The following TNKS variants were observed in gnomAD, a reference collection of about 807,000 sequenced individuals.
TNKS encodes the protein poly [ADP-ribose] polymerase tankyrase-1.
In TNKS, 72 loss-of-function variants were observed where a neutral mutation model predicts 135.8. The observed-to-expected ratio is 0.53, with a 90% CI of 0.44 to 0.64. The LOEUF is 0.64. TNKS is among the 30% of genes least tolerant of loss of function. The pLI is 0.00. For synonymous variants in TNKS, 849 were observed against 649.3 expected (o/e 1.31, Z -4.68); for missense variants, 1,769 against 1,674.0 (o/e 1.06, Z -0.99).
chr8:9,764,628 T>G, intron 22 of TNKS, 88 bp from the exon 23 acceptor site: 1 of 938,968 alleles, frequency 1.1e-6, no homozygotes, highest in South Asian at 2.0e-5. Context: ...GAACTCCTAT[T>G]TATTTATTAA....
At chr8:9,747,650 A>G (rs1806308670) in intron 17 of TNKS, among the ~76,000 whole-genome samples, 1 of 152,256 alleles carries the variant, frequency 6.6e-6, no homozygotes, top group African/African-American at 2.4e-5. Context: ...AAAGTTTGGC[A>G]GATAGATTAG....
Position 9,580,299 on chromosome 8 carries a change from G to A in TNKS, c.814G>A (p.Gly272Arg). 6.2e-7 allele frequency: 1 copy of A among 1,614,158 alleles called. No homozygotes were observed. Among genetic ancestry groups the A allele is most frequent in the Non-Finnish European group, 8.5e-7 (1 of 1,180,032 alleles). Residue 272 changes from glycine (G) to arginine (R), a missense_variant, in exon 2 of 27, where the codon GGA becomes AGA. Physicochemically the swap from Gly to Arg is moderately radical, Grantham distance 125. This residue lies in a region of TNKS where 523 missense variants were observed against 541.0 expected (regional missense o/e 0.97). Transcript: ENST00000310430. ...AEVVSLLLCQ[G>R]ADPNARDNWN... ...GGTTGTGAGTCTGTTATTGTGCCAA[G>A]GAGCTGATCCAAATGCCAGGGATAA...
intron 26 of TNKS, among the ~76,000 whole-genome samples, chr8:9,774,923 A>ACT (rs1213181287): frequency 2.0e-5 from 3 of 152,056 alleles, no homozygotes; most frequent in African/African-American, 7.2e-5. Context: ...GTGGGCATCC[A>ACT]CTCATTTTTG....
At chr8:9,622,544 T>C (rs1799905043) in intron 3 of TNKS, among the ~76,000 whole-genome samples, 1 of 152,180 alleles carries the variant, frequency 6.6e-6, no homozygotes, top group African/African-American at 2.4e-5. Context: ...ATTCAAGCAG[T>C]TTGGCTCCAG....
chr8:9,617,147 A>G (rs1302596732), intron 3 of TNKS, among the ~76,000 whole-genome samples: 1 of 152,242 alleles, frequency 6.6e-6, no homozygotes, highest in Non-Finnish European at 1.5e-5. Flanking sequence ...AAAATTTAAT[A>G]TAAGTTATTA....
At chr8:9,644,431 T>C (rs1422084764) in intron 3 of TNKS, among the ~76,000 whole-genome samples, 1 of 152,254 alleles carries the variant, frequency 6.6e-6, no homozygotes, top group Non-Finnish European at 1.5e-5. Flanking sequence ...TCATTTGATA[T>C]TTGCATGCTG....
chr8:9,568,826 G>C (rs1364649823), intron 1 of TNKS, among the ~76,000 whole-genome samples: 1 of 152,146 alleles, frequency 6.6e-6, no homozygotes, highest in Non-Finnish European at 1.5e-5. Flanking sequence ...ACCCACAGTT[G>C]ATAAGTAATA....
At chr8:9,629,330 C>T (rs1048421409) in intron 3 of TNKS, among the ~76,000 whole-genome samples, 1 of 152,212 alleles carries the variant, frequency 6.6e-6, no homozygotes, top group Non-Finnish European at 1.5e-5. Flanking sequence ...AGCTGATAGC[C>T]CTCTGACTGC....
intron 7 of TNKS, 97 bp from the exon 8 acceptor site, chr8:9,706,714 G>A: frequency 1.7e-6 from 2 of 1,188,638 alleles, no homozygotes; most frequent in Middle Eastern, 2.3e-4. Flanking sequence ...ATTTGAACAA[G>A]TTATAACTGA....
At chr8:9,702,264 A>C (rs1184374489) in intron 5 of TNKS, among the ~76,000 whole-genome samples, 1 of 152,208 alleles carries the variant, frequency 6.6e-6, no homozygotes, top group Non-Finnish European at 1.5e-5. Flanking sequence ...ATATAGGTCT[A>C]AGAAGCACTG....
At chr8:9,643,538 T>A (rs1414137292) in intron 3 of TNKS, among the ~76,000 whole-genome samples, 1 of 152,110 alleles carries the variant, frequency 6.6e-6, no homozygotes, top group Non-Finnish European at 1.5e-5. Context: ...GGATTAAGTT[T>A]CCAACATACA....
At position 9,704,644 on chromosome 8, in the gene TNKS, G is replaced by C. The variant is rs1255617559; in HGVS notation, c.1108-19G>C. Reference sequence around the variant, plus strand: ...GTTTGTTTGTTTTTACCTGAAAAGGGGATGTTTTTCTTTTCTAGTCGACTC... The same window carrying C: ...GTTTGTTTGTTTTTACCTGAAAAGGCGATGTTTTTCTTTTCTAGTCGACTC... On this transcript the variant is annotated intron_variant, in intron 5 of 26. Coordinates refer to ENST00000310430, the MANE Select transcript of TNKS (RefSeq NM_003747.3). The C allele has an allele frequency of 5.7e-6, 9 of 1,586,870 alleles. No homozygotes were observed. The highest frequency in any genetic ancestry group is 7.8e-6 in the Non-Finnish European group (9 of 1,158,420).
chr8:9,615,777 C>G lies in TNKS; in HGVS notation c.994+100C>G, dbSNP rs552622345. 110 of 870,612 alleles carry G rather than the reference C, an allele frequency of 1.3e-4. No individual in the cohort carries two copies. In the Admixed American group the frequency reaches 1.3e-3, roughly 11 times the overall value. 53.9% of individuals were successfully genotyped at this position (870,612 alleles called of 1,614,324 possible). On this transcript the variant is annotated intron_variant, in intron 3 of 26. Transcript: ENST00000310430. The stretch of plus-strand genomic sequence containing the variant: ...TGAATTTTTCTTTTCACTGATGAAG[C>G]TAAGCAAATATATCTGCCATTATCT...
Position 9,555,991 on chromosome 8 carries a change from C to T in TNKS, c.52C>T (p.Leu18Phe). Residue 18 changes from leucine to phenylalanine, a missense_variant, in exon 1 of 27, where the codon CTC (leucine) becomes TTC (phenylalanine). By Grantham distance (22) the Leu-to-Phe change is conservative (BLOSUM62 0). Around this residue, in one of 5 missense-constraint regions of TNKS, gnomAD observed 450 missense variants for 304.9 expected, o/e 1.48. Coordinates refer to ENST00000310430, the MANE Select transcript of TNKS (RefSeq NM_003747.3). ...QHHHHHHQQQLQPAPGASAPP... is the reference protein window; with the variant it reads ...QHHHHHHQQQFQPAPGASAPP... Reference sequence around the variant, plus strand: ...TCATCACCACCATCATCAACAACAGCTCCAGCCCGCCCCAGGGGCTTCAGC... The same window carrying T: ...TCATCACCACCATCATCAACAACAGTTCCAGCCCGCCCCAGGGGCTTCAGC... 6.2e-7 allele frequency: 1 copy of T among 1,613,480 alleles called. No individual in the cohort carries two copies. Among genetic ancestry groups the T allele is most frequent in the Non-Finnish European group, 8.5e-7 (1 of 1,179,874 alleles).
intron 3 of TNKS, among the ~76,000 whole-genome samples, chr8:9,648,221 A>T (rs185346414): frequency 1.1e-4 from 16 of 152,010 alleles, no homozygotes; most frequent in East Asian, 5.8e-4. Context: ...ATTTAAAAAA[A>T]TTTTTTTTCT....
At chr8:9,657,199 G>A (rs762234368) in intron 3 of TNKS, among the ~76,000 whole-genome samples, 34 of 138,146 alleles carry the variant, frequency 2.5e-4, no homozygotes, top group Admixed American at 5.6e-4. Flanking sequence ...AGGGGCGGCC[G>A]GGCAGAGGTG....
chr8:9,748,118 A>G lies in TNKS; in HGVS notation c.2738A>G (p.Lys913Arg). The G allele has an allele frequency of 6.2e-7, 1 of 1,614,206 alleles. No homozygotes were observed. The highest frequency in any genetic ancestry group is 8.5e-7 in the Non-Finnish European group (1 of 1,180,026). ...ACTCCCCTCCATGAAGCAGCCCAGAAAGGAAGGACGCAGCTGTGCGCCCTC... is the reference window on the plus strand; with the variant it reads ...ACTCCCCTCCATGAAGCAGCCCAGAGAGGAAGGACGCAGCTGTGCGCCCTC... ...AFTPLHEAAQ[K>R]GRTQLCALLL... Residue 913 changes from lysine to arginine, a missense_variant, in exon 18 of 27, where the codon AAA becomes AGA. Physicochemically the swap from Lys to Arg is conservative, Grantham distance 26. This residue lies in a region of TNKS where 722 missense variants were observed against 688.9 expected (regional missense o/e 1.05). Transcript: ENST00000310430.
chr8:9,692,501 A>G (rs1585334929), intron 5 of TNKS, among the ~76,000 whole-genome samples: 2 of 152,336 alleles, frequency 1.3e-5, no homozygotes, highest in Non-Finnish European at 2.9e-5. Flanking sequence ...GTATCATGCC[A>G]TGATCCACTG....
intron 1 of TNKS, among the ~76,000 whole-genome samples, chr8:9,570,154 A>G (rs371534830): frequency 1.3e-5 from 2 of 152,308 alleles, no homozygotes; most frequent in South Asian, 4.1e-4. Flanking sequence ...TTGAATAATA[A>G]ATATAGGCCA....
Sources: allele counts gnomAD v4.1 joint callset (sites outside exome capture counted in the v4.1 genomes callset), GRCh38; gene constraint gnomAD v4.1.1; regional missense constraint gnomAD v4.1.1; transcripts MANE v1.5; gene names NCBI Gene and HGNC (gene_info 2026-07-23, HGNC 2026-07-21).